Variants in ERBB4 observed in about 807,000 individuals in gnomAD.
ERBB4 encodes erb-b2 receptor tyrosine kinase 4.
A neutral mutation model predicts 158.0 loss-of-function variants in ERBB4; 42 were observed. The ratio of observed to expected loss-of-function variants is 0.27; its 90% confidence interval spans 0.21 to 0.34. The LOEUF (loss-of-function observed/expected upper bound fraction) is 0.34, where lower values mean the gene tolerates loss of function less well. ERBB4 is among the 10% of genes least tolerant of loss of function. ERBB4 has a pLI of 1.00. For synonymous variants in ERBB4, 583 were observed against 558.7 expected (o/e 1.04, Z -0.61); for missense variants, 1,333 against 1,624.1 (o/e 0.82, Z 3.08).
intron 1 of ERBB4, among the ~76,000 whole-genome samples, chr2:212,211,314 C>T (rs755089766): frequency 1.3e-5 from 2 of 152,178 alleles, no homozygotes; most frequent in South Asian, 4.1e-4. Flanking sequence ...CACACATATG[C>T]GTGAAGACAC....
chr2:211,824,686 C>G (rs919312675), intron 3 of ERBB4, among the ~76,000 whole-genome samples: 1 of 151,682 alleles, frequency 6.6e-6, no homozygotes, highest in African/African-American at 2.4e-5. Context: ...ATGAACTTGA[C>G]AATGATGATT....
intron 2 of ERBB4, among the ~76,000 whole-genome samples, chr2:212,105,021 A>G (rs2079184776): frequency 9.1e-6 from 1 of 110,496 alleles, no homozygotes; most frequent in Non-Finnish European, 1.8e-5. Context: ...TCTTTCAAAA[A>G]GATATAATTT....
At chr2:211,499,486 G>A (rs1011965260) in intron 20 of ERBB4, among the ~76,000 whole-genome samples, 2 of 151,974 alleles carry the variant, frequency 1.3e-5, no homozygotes, top group African/African-American at 2.4e-5. Context: ...TAGCGCCACT[G>A]CACTCCAGCC....
intron 2 of ERBB4, among the ~76,000 whole-genome samples, chr2:212,108,406 G>C (rs924750927): frequency 6.6e-6 from 1 of 152,158 alleles, no homozygotes; most frequent in Non-Finnish European, 1.5e-5. Flanking sequence ...AACCACCTTA[G>C]CATCTTAGCA....
Position 212,381,332 on chromosome 2 carries a change from T to G in ERBB4, c.82+157117A>C, listed in dbSNP as rs183874769. On this transcript the variant is annotated intron_variant, in intron 1 of 27. Transcript: ENST00000342788. ...CCACTTCTACAGAGGTATTTTTCACTCTGCGTTGGAAAGGTGCACTGAGGT... is the reference window on the plus strand; with the variant it reads ...CCACTTCTACAGAGGTATTTTTCACGCTGCGTTGGAAAGGTGCACTGAGGT... Among the ~76,000 whole-genome samples, 7 of 151,426 alleles carry G rather than the reference T, an allele frequency of 4.6e-5. No individual in the cohort carries two copies. The East Asian group carries it at 7.7e-4, about 17-fold the overall frequency.
chr2:212,292,817 A>T (rs2086258436), intron 1 of ERBB4, among the ~76,000 whole-genome samples: 1 of 152,086 alleles, frequency 6.6e-6, no homozygotes, highest in Non-Finnish European at 1.5e-5. Flanking sequence ...GAACCATTGA[A>T]AGTTCATGTA....
At chr2:212,364,062 T>A (rs1045269743) in intron 1 of ERBB4, among the ~76,000 whole-genome samples, 1 of 151,776 alleles carries the variant, frequency 6.6e-6, no homozygotes, top group Admixed American at 6.6e-5. Context: ...TGAAGAATGT[T>A]TAAAATTTAC....
rs575322377 is a variant in ERBB4 at position 211,781,794 on chromosome 2, C to CA, written c.556+6230dup. Reference sequence around the variant, plus strand: ...GTTGATAATAATAACAGCTCCTGGGCAAAAAAAAAGAAAAACCTATGTGTA... The same window carrying CA: ...GTTGATAATAATAACAGCTCCTGGGCAAAAAAAAAAGAAAAACCTATGTGTA... On this transcript the variant is annotated intron_variant, in intron 4 of 27. Coordinates refer to ENST00000342788, the MANE Select transcript of ERBB4 (RefSeq NM_005235.3). Among the ~76,000 whole-genome samples, 58 of 149,234 alleles carry CA rather than the reference C, an allele frequency of 3.9e-4. 1 individual carries two copies. In the South Asian group the frequency reaches 6.0e-3, roughly 15 times the overall value.
At chr2:212,244,910 T>C (rs983656328) in intron 1 of ERBB4, among the ~76,000 whole-genome samples, 1 of 152,154 alleles carries the variant, frequency 6.6e-6, no homozygotes, top group East Asian at 1.9e-4. Flanking sequence ...GATTTACATG[T>C]ATTTCCTCAT....
At chr2:212,324,880 A>C (rs896600492) in intron 1 of ERBB4, among the ~76,000 whole-genome samples, 1 of 150,372 alleles carries the variant, frequency 6.7e-6, no homozygotes, top group South Asian at 2.1e-4. Flanking sequence ...ATGCTCAAAA[A>C]TTTTTTCCTC....
At chr2:212,426,030 C>T (rs1182971887) in intron 1 of ERBB4, among the ~76,000 whole-genome samples, 1 of 151,930 alleles carries the variant, frequency 6.6e-6, no homozygotes, top group Non-Finnish European at 1.5e-5. Flanking sequence ...GAAATGTCTT[C>T]TTATATCAAA....
At chr2:211,949,537 AGTT>A (rs1266150712) in intron 2 of ERBB4, among the ~76,000 whole-genome samples, 2 of 152,214 alleles carry the variant, frequency 1.3e-5, no homozygotes, top group Non-Finnish European at 2.9e-5. Flanking sequence ...AGTTAATATC[AGTT>A]GTTTCTTTTT....
intron 14 of ERBB4, among the ~76,000 whole-genome samples, chr2:211,670,782 G>T (rs982188327): frequency 2.0e-5 from 3 of 152,178 alleles, no homozygotes; most frequent in East Asian, 3.9e-4. Context: ...CTCACAAAAG[G>T]CCCTCAGTAA....
At chr2:212,242,040 C>T (rs13399210) in intron 1 of ERBB4, among the ~76,000 whole-genome samples, 5 of 151,804 alleles carry the variant, frequency 3.3e-5, no homozygotes, top group African/African-American at 1.2e-4. Flanking sequence ...ATTTTATATG[C>T]TATAGATTAA....
intron 1 of ERBB4, among the ~76,000 whole-genome samples, chr2:212,246,323 G>A (rs1263502160): frequency 6.6e-6 from 1 of 152,086 alleles, no homozygotes; most frequent in Non-Finnish European, 1.5e-5. Flanking sequence ...GCTTGAATAC[G>A]GCCACATGAC....
rs577386191 is a variant in ERBB4 at position 211,389,067 on chromosome 2, G to A, written c.3136-1075C>T. On this transcript the variant is annotated intron_variant, in intron 25 of 27. Coordinates refer to ENST00000342788, the MANE Select transcript of ERBB4 (RefSeq NM_005235.3). ...GTTTGTTTGTTTGAGATGAAGTCTC[G>A]CTCTGTCACCCAGGCTGGAGTGCAG... 6.9e-3 allele frequency among the ~76,000 whole-genome samples: 1,045 copies of A among 152,116 alleles called. 14 individuals are homozygous for A. Among genetic ancestry groups the A allele is most frequent in the South Asian group, 0.021 (100 of 4,814 alleles).
chr2:211,545,055 A>G (rs1211643518), intron 20 of ERBB4, among the ~76,000 whole-genome samples: 1 of 152,060 alleles, frequency 6.6e-6, no homozygotes, highest in Admixed American at 6.6e-5. Context: ...TGATTTAGAG[A>G]CTTCCCATAT....
chr2:212,062,571 C>T (rs565425502), intron 2 of ERBB4, among the ~76,000 whole-genome samples: 2 of 152,078 alleles, frequency 1.3e-5, no homozygotes, highest in South Asian at 2.1e-4. Flanking sequence ...CCATGCTCAA[C>T]TAATTTTGTA....
At chr2:212,387,397 T>C (rs1441403464) in intron 1 of ERBB4, among the ~76,000 whole-genome samples, 1 of 152,108 alleles carries the variant, frequency 6.6e-6, no homozygotes. Flanking sequence ...CTTTGGTACT[T>C]TCTATCTCAA....
Sources: allele counts gnomAD v4.1 joint callset (sites outside exome capture counted in the v4.1 genomes callset), GRCh38; gene constraint gnomAD v4.1.1; transcripts MANE v1.5; gene names NCBI Gene and HGNC (gene_info 2026-07-23, HGNC 2026-07-21).